Variants in ZC3H12A observed in about 807,000 individuals in gnomAD.
ZC3H12A encodes the protein endoribonuclease ZC3H12A.
Under a neutral mutation model 29.9 loss-of-function variants are expected in ZC3H12A, and 9 were observed. The observed-to-expected ratio is 0.30, with a 90% confidence interval of 0.18 to 0.53. ZC3H12A has a LOEUF of 0.53. Ranked by LOEUF, ZC3H12A falls within the 20% of genes least tolerant of loss-of-function variation. The pLI, the probability that ZC3H12A is intolerant of heterozygous loss-of-function variation, is 0.96. For synonymous variants in ZC3H12A, 323 were observed against 338.1 expected, an observed-to-expected ratio of 0.96 and a Z score of 0.49; for missense variants, 617 against 799.0, an observed-to-expected ratio of 0.77 and a Z score of 2.75.
At position 37,478,280 on chromosome 1, in the gene ZC3H12A, G is replaced by A. The variant is rs979327261; in HGVS notation, c.444-2010G>A. Among the ~76,000 whole-genome samples, 4 of 152,240 alleles carry A rather than the reference G, an allele frequency of 2.6e-5. No individual in the cohort carries two copies. The highest frequency in any genetic ancestry group is 5.9e-5 in the Non-Finnish European group (4 of 68,042). ...GGCAGTGACATCTCACAAGGGTTCTGAAGGAAGAGCAGGAGTTTGCCAGCA... is the reference window on the plus strand; with the variant it reads ...GGCAGTGACATCTCACAAGGGTTCTAAAGGAAGAGCAGGAGTTTGCCAGCA... On this transcript the variant is annotated intron_variant, in intron 2 of 5. Transcript: ENST00000373087. This position sits in a 1 kb window ranked among gnomAD's most constrained non-coding sequence, Gnocchi z 5.2.
In ZC3H12A at chr1:37,479,392, G is replaced by A. The variant is rs1569922225; in HGVS notation, c.444-898G>A. ...TTCAGATAGAGGAACGGAGAGCTGC[G>A]GCAGCCCAGGAGCCCTGCCAGGCTT... On this transcript the variant is annotated intron_variant, in intron 2 of 5. Transcript: ENST00000373087. This position sits in a 1 kb window ranked among gnomAD's most constrained non-coding sequence, Gnocchi z 4.5. The A allele has an allele frequency of 3.0e-6, 3 of 985,324 alleles. No individual in the cohort carries two copies. Among genetic ancestry groups the A allele is most frequent in the Non-Finnish European group, 3.6e-6 (3 of 829,952 alleles). 61.0% of individuals were successfully genotyped at this position (985,324 alleles called of 1,614,324 possible).
chr1:37,483,445 G>A lies in ZC3H12A; in HGVS notation c.1634G>A (p.Arg545Lys), dbSNP rs147425247. 3.5e-5 allele frequency: 57 copies of A among 1,614,048 alleles called. No homozygotes were observed. Among genetic ancestry groups the A allele is most frequent in the Non-Finnish European group, 4.8e-5 (57 of 1,179,968 alleles). Residue 545 changes from arginine to lysine, a missense_variant, in exon 6 of 6, where the codon AGG becomes AAG. By Grantham distance (26) the Arg-to-Lys change is conservative. Transcript: ENST00000373087. ...SPGAGRSPWG[R>K]AGSLAKEQAS... Reference sequence around the variant, plus strand: ...GGGGCTGGCAGGAGCCCGTGGGGCAGGGCAGGCAGCCTGGCCAAGGAGCAG... The same window carrying A: ...GGGGCTGGCAGGAGCCCGTGGGGCAAGGCAGGCAGCCTGGCCAAGGAGCAG...
Position 37,478,666 on chromosome 1 carries a change from C to T in ZC3H12A, c.444-1624C>T, listed in dbSNP as rs1050076582. Reference sequence around the variant, plus strand: ...TAGGCCCTGGGCTTGCGTCTCTCTTCCACCGTTAACTGCTGTGTGACCCTG... The same window carrying T: ...TAGGCCCTGGGCTTGCGTCTCTCTTTCACCGTTAACTGCTGTGTGACCCTG... On this transcript the variant is annotated intron_variant, in intron 2 of 5. Transcript: ENST00000373087. This position sits in a 1 kb window ranked among gnomAD's most constrained non-coding sequence, Gnocchi z 5.2. 5 of 185,550 alleles carry T rather than the reference C, an allele frequency of 2.7e-5. No individual in the cohort carries two copies. The highest frequency in any genetic ancestry group is 7.1e-5 in the African/African-American group (3 of 41,964). The allele number at this position is 185,550 out of a possible 1,614,324, so 11.5% of individuals were successfully genotyped here.
chr1:37,475,836 G>A lies in ZC3H12A; in HGVS notation c.340G>A (p.Gly114Ser). The part of the protein sequence containing the change: ...PQLPLVPRGG[G>S]TPKAPNLEPP... ...GCTCCCTCTAGTCCCGCGGGGTGGTGGCACCCCTAAGGCTCCCAACCTGGA... is the reference window on the plus strand; with the variant it reads ...GCTCCCTCTAGTCCCGCGGGGTGGTAGCACCCCTAAGGCTCCCAACCTGGA... The change falls in exon 2 of 6, where the codon GGC becomes AGC. Residue 114 changes from glycine to serine, a missense_variant. Physicochemically the swap from Gly to Ser is moderately conservative, Grantham distance 56. Transcript: ENST00000373087. The surrounding 1 kb of genome is among the most constrained non-coding windows in gnomAD (Gnocchi z 5.2). 3 of 1,601,740 alleles carry A rather than the reference G, an allele frequency of 1.9e-6. No individual in the cohort carries two copies. Among genetic ancestry groups the A allele is most frequent in the Non-Finnish European group, 2.6e-6 (3 of 1,172,302 alleles).
In ZC3H12A at chr1:37,482,440, G is replaced by A; in HGVS notation, c.825G>A (p.Met275Ile). The A allele has an allele frequency of 1.9e-6, 3 of 1,612,648 alleles. No homozygotes were observed. Among genetic ancestry groups the A allele is most frequent in the Non-Finnish European group, 2.5e-6 (3 of 1,179,036 alleles). Residue 275 changes from methionine (M) to isoleucine (I), a missense_variant, in exon 5 of 6, where the codon ATG (methionine) becomes ATA (isoleucine). By Grantham distance (10) the Met-to-Ile change is conservative. Coordinates refer to ENST00000373087, the MANE Select transcript of ZC3H12A (RefSeq NM_025079.3). The part of the protein sequence containing the change: ...LMYSFVNDKF[M>I]PPDDPLGRHG... ...TTCTTTGCACCCTCTGCAGGTTTAT[G>A]CCCCCTGATGACCCACTGGGCCGGC...
At chr1:37,480,118 G>C in intron 2 of ZC3H12A, 172 bp from the exon 3 acceptor site, 1 of 1,327,644 alleles carries the variant, frequency 7.5e-7, no homozygotes, top group Non-Finnish European at 9.8e-7. Flanking sequence ...GCCAGGGCCT[G>C]AGCCCTGGGG....
In ZC3H12A at chr1:37,479,576, G is replaced by T. The variant is rs532749496; in HGVS notation, c.444-714G>T. Reference sequence around the variant, plus strand: ...AGGCATTTGGGGGAATTGCCATCTTGGGAGGAAAAGCAGTATCCTTTCACT... The same window carrying T: ...AGGCATTTGGGGGAATTGCCATCTTTGGAGGAAAAGCAGTATCCTTTCACT... On this transcript the variant is annotated intron_variant, in intron 2 of 5. Coordinates refer to ENST00000373087, the MANE Select transcript of ZC3H12A (RefSeq NM_025079.3). This position sits in a 1 kb window ranked among gnomAD's most constrained non-coding sequence, Gnocchi z 4.5. The T allele has an allele frequency of 1.2e-5, 12 of 985,430 alleles. No homozygotes were observed. In the South Asian group the frequency reaches 5.6e-4, roughly 46 times the overall value. 61.0% of individuals were successfully genotyped at this position (985,430 alleles called of 1,614,324 possible). A position where few individuals can be genotyped will look rare whatever the true frequency, so the allele number is the denominator to read the frequency against.
rs1641756399 is a variant in ZC3H12A, at chr1:37,483,340, CACCTCG to C, written c.1531_1536del (p.Pro511_Arg512del). 1 of 1,614,068 alleles carries C rather than the reference CACCTCG, an allele frequency of 6.2e-7. No homozygotes were observed. Among genetic ancestry groups the C allele is most frequent in the African/African-American group, 1.3e-5 (1 of 74,934 alleles). ...TACCCACCCGCGCCCCCTGCCTTTC[CACCTCG>C]AGAGTACTGGTCTGAACCATACCCA... On this transcript the variant is annotated inframe_deletion, in exon 6 of 6. Coordinates refer to ENST00000373087, the MANE Select transcript of ZC3H12A (RefSeq NM_025079.3).
Position 37,474,647 on chromosome 1 carries a change from G to A in ZC3H12A, c.-39+18G>A, listed in dbSNP as rs1161586102. On this transcript the variant is annotated intron_variant, in intron 1 of 5. Transcript: ENST00000373087. ...ATGGCGGGGTGAGGCGCGGCGGGGA[G>A]GGTGCGGGCCTCGGCGGGGAAGCGG... is the stretch of plus-strand genomic sequence containing the variant. 6.6e-6 allele frequency: 1 copy of A among 152,008 alleles called. No homozygotes were observed. The highest frequency in any genetic ancestry group is 2.4e-5 in the African/African-American group (1 of 41,416). 9.4% of individuals were successfully genotyped at this position (152,008 alleles called of 1,614,324 possible). A position where few individuals can be genotyped will look rare whatever the true frequency, so the allele number is the denominator to read the frequency against.
intron 3 of ZC3H12A, among the ~76,000 whole-genome samples, chr1:37,481,293 G>C (rs1474552762): frequency 6.6e-6 from 1 of 152,220 alleles, no homozygotes; most frequent in Non-Finnish European, 1.5e-5. Flanking sequence ...CCAAAGCCAA[G>C]ACCACATCTG....
intron 5 of ZC3H12A, 75 bp from the exon 6 acceptor site, chr1:37,482,662 G>C: frequency 6.2e-7 from 1 of 1,611,178 alleles, no homozygotes; most frequent in Non-Finnish European, 8.5e-7. Flanking sequence ...CCCGTTTCCT[G>C]TGCCACCCCT....
chr1:37,482,053 G>A, intron 4 of ZC3H12A, among the ~76,000 whole-genome samples: 1 of 152,210 alleles, frequency 6.6e-6, no homozygotes, highest in East Asian at 1.9e-4. Context: ...GGAGAGAGTG[G>A]CTAATTTGGG....
chr1:37,481,863 G>A (rs1222486923), intron 4 of ZC3H12A, 28 bp downstream of exon 4: 1 of 1,597,852 alleles, frequency 6.3e-7, no homozygotes, highest in East Asian at 2.3e-5. Context: ...GGCCCTGACA[G>A]ACTTGGGGTC....
rs373031578 is a variant in ZC3H12A at position 37,483,553 on chromosome 1, A to T, written c.1742A>T (p.Asp581Val). The T allele has an allele frequency of 6.2e-6, 10 of 1,612,900 alleles. No homozygotes were observed. Among genetic ancestry groups the T allele is most frequent in the Non-Finnish European group, 8.5e-6 (10 of 1,179,830 alleles). Reference protein sequence around the residue: ...AVMGRFPQLLDPQQLAAEILS... With the variant: ...AVMGRFPQLLVPQQLAAEILS... Reference sequence around the variant, plus strand: ...ATGGGGCGCTTCCCACAGCTCCTGGACCCCCAGCAGCTGGCTGCCGAGATC... The same window carrying T: ...ATGGGGCGCTTCCCACAGCTCCTGGTCCCCCAGCAGCTGGCTGCCGAGATC... The change falls in exon 6 of 6, where the codon GAC becomes GTC. Residue 581 changes from aspartate to valine, a missense_variant. This residue lies in a region of ZC3H12A where 172 missense variants were observed against 203.1 expected (regional missense o/e 0.85). Coordinates refer to ENST00000373087, the MANE Select transcript of ZC3H12A (RefSeq NM_025079.3).
At position 37,478,891 on chromosome 1, in the gene ZC3H12A, T is replaced by C. The variant is rs973034651; in HGVS notation, c.444-1399T>C. The C allele has an allele frequency of 4.1e-6, 4 of 985,204 alleles. No homozygotes were observed. Among genetic ancestry groups the C allele is most frequent in the Non-Finnish European group, 4.8e-6 (4 of 829,912 alleles). The allele number at this position is 985,204 out of a possible 1,614,324, so 61.0% of individuals were successfully genotyped here. A position where few individuals can be genotyped will look rare whatever the true frequency, so the allele number is the denominator to read the frequency against. On this transcript the variant is annotated intron_variant, in intron 2 of 5. Coordinates refer to ENST00000373087, the MANE Select transcript of ZC3H12A (RefSeq NM_025079.3). This position sits in a 1 kb window ranked among gnomAD's most constrained non-coding sequence, Gnocchi z 5.2. ...GATGTGGCAGAGGGACCGGGAAGGA[T>C]GAGTGCTGCCCTGGGCTGGACTTTG...
At chr1:37,482,306 T>C in intron 4 of ZC3H12A, 128 bp from the exon 5 acceptor site, 1 of 808,274 alleles carries the variant, frequency 1.2e-6, no homozygotes, top group Non-Finnish European at 2.0e-6. Flanking sequence ...TGCGGGGTCC[T>C]GGACAGGCCC....
rs115062291 is a variant in ZC3H12A at position 37,479,568 on chromosome 1, G to A, written c.444-722G>A. 1 of 985,424 alleles carries A rather than the reference G, an allele frequency of 1.0e-6. No individual in the cohort carries two copies. The highest frequency in any genetic ancestry group is 1.7e-5 in the African/African-American group (1 of 57,342). The allele number at this position is 985,424 out of a possible 1,614,324, so 61.0% of individuals were successfully genotyped here. On this transcript the variant is annotated intron_variant, in intron 2 of 5. Transcript: ENST00000373087. The surrounding 1 kb of genome is among the most constrained non-coding windows in gnomAD (Gnocchi z 4.5). ...GGGTGAAGAGGCATTTGGGGGAATT[G>A]CCATCTTGGGAGGAAAAGCAGTATC...
chr1:37,482,824 G>A lies in ZC3H12A; in HGVS notation c.1013G>A (p.Arg338His), dbSNP rs1296932581. Residue 338 changes from arginine (R) to histidine (H), a missense_variant, in exon 6 of 6, where the codon CGT (arginine) becomes CAT (histidine). By Grantham distance (29) the Arg-to-His change is conservative. This residue lies in a region of ZC3H12A where 115 missense variants were observed against 112.5 expected (regional missense o/e 1.02). Transcript: ENST00000373087. The stretch of plus-strand genomic sequence containing the variant: ...CAGCGCTCTGTGGCAGATGAGCTCC[G>A]TGCCAATGCTCTCCTCTCACCCCCC... ...CPQRSVADEL[R>H]ANALLSPPRA... 1.2e-6 allele frequency: 2 copies of A among 1,613,960 alleles called. No homozygotes were observed. The highest frequency in any genetic ancestry group is 8.5e-7 in the Non-Finnish European group (1 of 1,180,010).
chr1:37,477,078 C>G (rs1037355472), intron 2 of ZC3H12A, among the ~76,000 whole-genome samples: 2 of 152,224 alleles, frequency 1.3e-5, no homozygotes, highest in Non-Finnish European at 2.9e-5. Context: ...CAGTCTTCCT[C>G]TCTCTGACTT....
Sources: allele counts gnomAD v4.1 joint callset (sites outside exome capture counted in the v4.1 genomes callset), GRCh38; gene constraint gnomAD v4.1.1; regional missense constraint gnomAD v4.1.1; non-coding constraint Gnocchi (gnomAD v3.1); transcripts MANE v1.5; gene names NCBI Gene and HGNC (gene_info 2026-07-23, HGNC 2026-07-21).